Variants in NPAS3 observed in about 807,000 individuals in gnomAD.
The protein encoded by NPAS3 is neuronal PAS domain protein 3.
Under a neutral mutation model 73.1 loss-of-function variants are expected in NPAS3, and 14 were observed. The ratio of observed to expected loss-of-function variants is 0.19; its 90% confidence interval spans 0.13 to 0.30. The LOEUF (loss-of-function observed/expected upper bound fraction) is 0.30. Among genes scored for constraint, NPAS3 ranks in the 10% least tolerant of loss-of-function variants. The probability of loss-of-function intolerance (pLI) is 1.00; values close to 1 mark genes in which losing one functional copy is unlikely to be tolerated. For synonymous variants in NPAS3, 620 were observed against 541.5 expected, an observed-to-expected ratio of 1.14 and a Z score of -2.01; for missense variants, 1,096 against 1,250.0, an observed-to-expected ratio of 0.88 and a Z score of 1.86.
At chr14:33,089,856 A>G (rs1378844036) in intron 2 of NPAS3, among the ~76,000 whole-genome samples, 1 of 152,200 alleles carries the variant, frequency 6.6e-6, no homozygotes, top group Non-Finnish European at 1.5e-5. Context: ...ACATTCTTAA[A>G]GAAAAGAATT....
At chr14:33,098,682 GA>G (rs1446757205) in intron 2 of NPAS3, among the ~76,000 whole-genome samples, 1 of 152,098 alleles carries the variant, frequency 6.6e-6, no homozygotes, top group Non-Finnish European at 1.5e-5. Flanking sequence ...TTCTTAAAAA[GA>G]AAAAGGCAGG....
At chr14:33,563,758 A>G (rs1277642775) in intron 5 of NPAS3, among the ~76,000 whole-genome samples, 1 of 152,136 alleles carries the variant, frequency 6.6e-6, no homozygotes, top group Non-Finnish European at 1.5e-5. Flanking sequence ...GTTATACCTG[A>G]TGATGGCATT....
chr14:33,498,695 G>C (rs780317247), intron 4 of NPAS3, among the ~76,000 whole-genome samples: 8 of 117,984 alleles, frequency 6.8e-5, no homozygotes, highest in African/African-American at 1.7e-4. Context: ...GTTGGGGGAT[G>C]GGGGGGCTAG....
At chr14:33,663,211 C>T (rs1340308134) in intron 5 of NPAS3, among the ~76,000 whole-genome samples, 1 of 152,114 alleles carries the variant, frequency 6.6e-6, no homozygotes, top group East Asian at 1.9e-4. Flanking sequence ...GTGGGTTTGT[C>T]ATAAATAGCT....
intron 2 of NPAS3, among the ~76,000 whole-genome samples, chr14:33,204,511 G>A (rs1234135536): frequency 6.6e-6 from 1 of 152,124 alleles, no homozygotes; most frequent in Non-Finnish European, 1.5e-5. Flanking sequence ...GGTTCAGGAA[G>A]CACAGTCTGT....
chr14:33,540,668 GA>G (rs1375398518), intron 4 of NPAS3, among the ~76,000 whole-genome samples: 2 of 152,124 alleles, frequency 1.3e-5, no homozygotes, highest in East Asian at 3.9e-4. Flanking sequence ...AGAGAAGGGG[GA>G]AAAATGGGGT....
At chr14:33,363,007 A>G (rs1337878533) in intron 3 of NPAS3, among the ~76,000 whole-genome samples, 1 of 152,232 alleles carries the variant, frequency 6.6e-6, no homozygotes, top group East Asian at 1.9e-4. Flanking sequence ...AGCTGGGGTT[A>G]TGAAGGGAAA....
At chr14:32,985,323 A>C (rs896072795) in intron 1 of NPAS3, among the ~76,000 whole-genome samples, 31 of 152,192 alleles carry the variant, frequency 2.0e-4, no homozygotes, top group Non-Finnish European at 1.5e-5. Flanking sequence ...CACAATTTAG[A>C]GGCTATGGAA....
intron 3 of NPAS3, among the ~76,000 whole-genome samples, chr14:33,326,950 G>T (rs977153268): frequency 2.6e-5 from 4 of 152,128 alleles, no homozygotes; most frequent in Admixed American, 1.3e-4. Flanking sequence ...AGAGGGACAT[G>T]GCATGGAAAT....
intron 8 of NPAS3, among the ~76,000 whole-genome samples, chr14:33,776,507 G>T (rs555701392): frequency 2.1e-5 from 2 of 94,468 alleles, no homozygotes; most frequent in Admixed American, 1.7e-4. Context: ...TGCTTTTGGC[G>T]TTTTTCTTCC....
chr14:33,418,291 A>G (rs1322965814), intron 4 of NPAS3, among the ~76,000 whole-genome samples: 2 of 151,970 alleles, frequency 1.3e-5, no homozygotes, highest in Non-Finnish European at 2.9e-5. Context: ...AAGAGGGGCC[A>G]AAGGCTGAAC....
At chr14:33,522,821 G>A (rs758085131) in intron 4 of NPAS3, among the ~76,000 whole-genome samples, 16 of 152,144 alleles carry the variant, frequency 1.1e-4, no homozygotes, top group Non-Finnish European at 1.8e-4. Context: ...TGAGGTAAAC[G>A]ATGAGTGAAT....
At chr14:32,967,415 G>A (rs1318644982) in intron 1 of NPAS3, among the ~76,000 whole-genome samples, 1 of 152,140 alleles carries the variant, frequency 6.6e-6, no homozygotes, top group East Asian at 1.9e-4. Flanking sequence ...GTTATACACA[G>A]ATTTTCAACT....
chr14:33,581,628 T>C (rs1257280941), intron 5 of NPAS3, among the ~76,000 whole-genome samples: 2 of 152,176 alleles, frequency 1.3e-5, no homozygotes, highest in Admixed American at 1.3e-4. Context: ...TGGAGTGCAG[T>C]GTCACGATCA....
chr14:33,564,342 C>T (rs191070314), intron 5 of NPAS3, among the ~76,000 whole-genome samples: 1 of 152,260 alleles, frequency 6.6e-6, no homozygotes, highest in African/African-American at 2.4e-5. Flanking sequence ...GAAAATCTCA[C>T]GTAGGATTTT....
intron 1 of NPAS3, among the ~76,000 whole-genome samples, chr14:32,977,936 C>T (rs1279214): frequency 0.25 from 38,234 of 151,906 alleles, 5,306 homozygotes; most frequent in East Asian, 0.4. Flanking sequence ...TGAAGAGGAC[C>T]GGCAAAGTTG....
intron 3 of NPAS3, among the ~76,000 whole-genome samples, chr14:33,321,344 G>A (rs530381202): frequency 2.0e-5 from 3 of 152,234 alleles, no homozygotes; most frequent in Admixed American, 1.3e-4. Context: ...TATGGGCTGG[G>A]AAACAATGGG....
chr14:33,265,229 T>C (rs1362133650), intron 3 of NPAS3, among the ~76,000 whole-genome samples: 1 of 152,210 alleles, frequency 6.6e-6, no homozygotes, highest in Non-Finnish European at 1.5e-5. Flanking sequence ...ACCAGAATTA[T>C]CCTAACACTT....
intron 4 of NPAS3, among the ~76,000 whole-genome samples, chr14:33,517,072 C>T (rs1168579857): frequency 6.6e-6 from 1 of 152,086 alleles, no homozygotes; most frequent in Non-Finnish European, 1.5e-5. Flanking sequence ...GGAGGAAATG[C>T]TGTGGCTTCT....
Sources: allele counts gnomAD v4.1 joint callset (sites outside exome capture counted in the v4.1 genomes callset), GRCh38; gene constraint gnomAD v4.1.1; transcripts MANE v1.5; gene names NCBI Gene and HGNC (gene_info 2026-07-23, HGNC 2026-07-21).